Variants in ZMAT3 observed in about 807,000 individuals in gnomAD.
ZMAT3 encodes the protein zinc finger matrin-type protein 3.
In ZMAT3, 17 loss-of-function variants were observed where a neutral mutation model predicts 32.3. That is an observed-to-expected ratio of 0.53 (90% CI 0.36 to 0.79). The LOEUF (loss-of-function observed/expected upper bound fraction) is 0.79. Ranked by LOEUF, ZMAT3 falls within the 30% of genes least tolerant of loss-of-function variation. ZMAT3 has a pLI of 0.00. For synonymous variants in ZMAT3, 120 were observed against 133.1 expected (o/e 0.90, Z 0.68); for missense variants, 329 against 359.7 (o/e 0.91, Z 0.69).
At chr3:179,033,341 A>T (rs11718986) in intron 2 of ZMAT3, among the ~76,000 whole-genome samples, 8,866 of 152,188 alleles carry the variant, frequency 0.058, 357 homozygotes, top group East Asian at 0.22. Context: ...CAGAGACACA[A>T]ACACTGCGGA....
chr3:179,055,877 T>G (rs1201636937), intron 2 of ZMAT3, among the ~76,000 whole-genome samples: 1 of 152,112 alleles, frequency 6.6e-6, no homozygotes, highest in Non-Finnish European at 1.5e-5. Context: ...AACAATAGGA[T>G]GACAACAGAG....
At chr3:179,071,519 G>A (rs926130680) in intron 1 of ZMAT3, 76 bp downstream of exon 1, 1 of 152,250 alleles carries the variant, frequency 6.6e-6, no homozygotes. Context: ...AAAGAGCATC[G>A]GAAAGGAACC....
chr3:179,069,356 G>A lies in ZMAT3; in HGVS notation c.-57-1547C>T, dbSNP rs563589185. Among the ~76,000 whole-genome samples, 125 of 152,040 alleles carry A rather than the reference G, an allele frequency of 8.2e-4. 1 individual carries two copies. The Middle Eastern group carries it at 0.017, about 21-fold the overall frequency. ...TCCTGCCTCCCCCCCAGATGGCGCC[G>A]TCTAACCCTGAGTGTCTCAAAATGA... On this transcript the variant is annotated intron_variant, in intron 1 of 5. Coordinates refer to ENST00000311417, the MANE Select transcript of ZMAT3 (RefSeq NM_022470.4).
At position 179,018,229 on chromosome 3, in the gene ZMAT3, T is replaced by A. The variant is rs1718371680; in HGVS notation, c.*6788A>T. 6.6e-6 allele frequency: 1 copy of A among 152,066 alleles called. No homozygotes were observed. The highest frequency in any genetic ancestry group is 1.5e-5 in the Non-Finnish European group (1 of 68,012). The allele number at this position is 152,066 out of a possible 1,614,324, so 9.4% of individuals were successfully genotyped here. On this transcript the variant is annotated 3_prime_UTR_variant, in exon 6 of 6. Transcript: ENST00000311417. ...TAGAGAATACACAAATAATAATAAATGATATAGAACATTTATTATTTTCAC... is the reference window on the plus strand; with the variant it reads ...TAGAGAATACACAAATAATAATAAAAGATATAGAACATTTATTATTTTCAC...
At chr3:179,053,330 C>T (rs971302154) in intron 2 of ZMAT3, among the ~76,000 whole-genome samples, 3 of 149,866 alleles carry the variant, frequency 2.0e-5, no homozygotes, top group Non-Finnish European at 4.5e-5. Context: ...TCCATAAATC[C>T]CCAGTAATAT....
chr3:179,051,730 A>G (rs1001777393), intron 2 of ZMAT3, among the ~76,000 whole-genome samples: 3 of 152,244 alleles, frequency 2.0e-5, no homozygotes, highest in Non-Finnish European at 2.9e-5. Flanking sequence ...AGCAAGACTA[A>G]GCAAAAAGAA....
chr3:179,021,655 T>C lies in ZMAT3; in HGVS notation c.*3362A>G, dbSNP rs1310497691. On this transcript the variant is annotated 3_prime_UTR_variant, in exon 6 of 6. Transcript: ENST00000311417. ...GGAGCACAAGGTGCAAATCCTAAAGTATGTTACAGAGACAGACTGAGCTTC... is the reference window on the plus strand; with the variant it reads ...GGAGCACAAGGTGCAAATCCTAAAGCATGTTACAGAGACAGACTGAGCTTC... 6.6e-6 allele frequency: 1 copy of C among 152,174 alleles called. No homozygotes were observed. Among genetic ancestry groups the C allele is most frequent in the East Asian group, 1.9e-4 (1 of 5,206 alleles). The allele number at this position is 152,174 out of a possible 1,614,324, so 9.4% of individuals were successfully genotyped here. A position where few individuals can be genotyped will look rare whatever the true frequency, so the allele number is the denominator to read the frequency against.
intron 2 of ZMAT3, among the ~76,000 whole-genome samples, chr3:179,047,435 G>A (rs1266274322): frequency 1.3e-5 from 2 of 152,180 alleles, no homozygotes; most frequent in Non-Finnish European, 2.9e-5. Flanking sequence ...CTTGTGACAT[G>A]ACAAAACAAG....
chr3:179,048,936 T>C (rs1441843862), intron 2 of ZMAT3, among the ~76,000 whole-genome samples: 1 of 152,222 alleles, frequency 6.6e-6, no homozygotes, highest in Admixed American at 6.5e-5. Flanking sequence ...AGACTCGTGA[T>C]ACATAAGGAC....
chr3:179,054,728 C>T (rs1455327013), intron 2 of ZMAT3, among the ~76,000 whole-genome samples: 1 of 152,216 alleles, frequency 6.6e-6, no homozygotes, highest in African/African-American at 2.4e-5. Context: ...CCATCCAACA[C>T]TGCTGCTTGC....
chr3:179,070,119 G>A (rs1250073537), intron 1 of ZMAT3, among the ~76,000 whole-genome samples: 1 of 152,096 alleles, frequency 6.6e-6, no homozygotes, highest in Non-Finnish European at 1.5e-5. Context: ...AAGGTGGGGG[G>A]GGGTGTCAAA....
At chr3:179,063,461 G>A (rs1424720710) in intron 2 of ZMAT3, among the ~76,000 whole-genome samples, 1 of 152,092 alleles carries the variant, frequency 6.6e-6, no homozygotes, top group Non-Finnish European at 1.5e-5. Context: ...TTGCTATCTG[G>A]CCACTAACTA....
intron 1 of ZMAT3, among the ~76,000 whole-genome samples, chr3:179,069,988 C>T (rs1721627219): frequency 6.6e-6 from 1 of 151,866 alleles, no homozygotes; most frequent in South Asian, 2.1e-4. Context: ...TTTTAGAAAA[C>T]GGAACTAAGT....
rs1235818885 is a variant in ZMAT3, at chr3:179,026,379, C to CTTTTTTTTTT, written c.658+1034_658+1043dup. 1.4e-4 allele frequency among the ~76,000 whole-genome samples: 9 copies of CTTTTTTTTTT among 65,894 alleles called. No individual in the cohort carries two copies. The East Asian group carries it at 1.4e-3, about 11-fold the overall frequency. 43.2% of individuals were successfully genotyped at this position (65,894 alleles called of 152,430 possible). A position where few individuals can be genotyped will look rare whatever the true frequency, so the allele number is the denominator to read the frequency against. ...CTTTTCTTAATCATAATGAATTGTG[C>CTTTTTTTTTT]TTTTTTTTTTTTTTTTTTTTTTTTT... On this transcript the variant is annotated intron_variant, in intron 5 of 5. Coordinates refer to ENST00000311417, the MANE Select transcript of ZMAT3 (RefSeq NM_022470.4).
At chr3:179,067,420 T>C in intron 2 of ZMAT3, 63 bp downstream of exon 2, 1 of 1,563,134 alleles carries the variant, frequency 6.4e-7, no homozygotes, top group Non-Finnish European at 8.7e-7. Flanking sequence ...AGACAACTGC[T>C]AAATAGCCAG....
chr3:179,051,576 C>T (rs1487932537), intron 2 of ZMAT3, among the ~76,000 whole-genome samples: 1 of 152,068 alleles, frequency 6.6e-6, no homozygotes, highest in Non-Finnish European at 1.5e-5. Flanking sequence ...GACCACACTG[C>T]AAAAAGCAAT....
rs1225570368 is a variant in ZMAT3 at position 179,030,928 on chromosome 3, G to A, written c.342C>T (p.Ser114=). Residue 114 remains serine (S), a synonymous_variant, in exon 3 of 6, where the codon AGC becomes AGT. Transcript: ENST00000311417. ...GAGTAGCTGCAGGCTCGACCACATT[G>A]CTCATTCTAGCAGGAGGAGGACAGC... ...ANSCPPPARM[S]NVVEPAATPV... The A allele has an allele frequency of 1.2e-6, 2 of 1,613,764 alleles. No individual in the cohort carries two copies. Among genetic ancestry groups the A allele is most frequent in the Non-Finnish European group, 1.7e-6 (2 of 1,179,916 alleles).
intron 2 of ZMAT3, among the ~76,000 whole-genome samples, chr3:179,049,530 G>A (rs892857400): frequency 1.3e-5 from 2 of 152,088 alleles, no homozygotes; most frequent in African/African-American, 2.4e-5. Context: ...AAAACCATGC[G>A]AATACATGGA....
chr3:179,056,346 C>A (rs1049841609), intron 2 of ZMAT3, among the ~76,000 whole-genome samples: 1 of 151,828 alleles, frequency 6.6e-6, no homozygotes, highest in Non-Finnish European at 1.5e-5. Context: ...GGGTCCACTA[C>A]TTTAGTCATG....
Sources: allele counts gnomAD v4.1 joint callset (sites outside exome capture counted in the v4.1 genomes callset), GRCh38; gene constraint gnomAD v4.1.1; transcripts MANE v1.5; gene names NCBI Gene and HGNC (gene_info 2026-07-23, HGNC 2026-07-21).